The following TSNARE1 variants were observed in gnomAD, a reference collection of about 807,000 sequenced individuals.
The protein encoded by TSNARE1 is t-SNARE domain-containing protein 1.
Under a neutral mutation model 62.0 loss-of-function variants are expected in TSNARE1, and 49 were observed. The ratio of observed to expected loss-of-function variants is 0.79; its 90% confidence interval spans 0.63 to 1.00. The LOEUF (loss-of-function observed/expected upper bound fraction) is 1.00, where lower values mean the gene tolerates loss of function less well. Among genes scored for constraint, TSNARE1 ranks in the 50% least tolerant of loss-of-function variants. The probability of loss-of-function intolerance (pLI) is 0.00; values close to 1 mark genes in which losing one functional copy is unlikely to be tolerated. For missense variants in TSNARE1, 755 were observed against 700.1 expected, an observed-to-expected ratio of 1.08 and a Z score of -0.88; for synonymous variants, 328 against 294.4, an observed-to-expected ratio of 1.11 and a Z score of -1.17.
At chr8:142,401,449 G>A (rs923441867) in intron 1 of TSNARE1, among the ~76,000 whole-genome samples, 2 of 152,192 alleles carry the variant, frequency 1.3e-5, no homozygotes, top group Admixed American at 6.5e-5. Flanking sequence ...ATAAAGCAGG[G>A]ACTGAAGATG....
intron 12 of TSNARE1, among the ~76,000 whole-genome samples, chr8:142,268,667 A>G (rs1819269531): frequency 6.6e-6 from 1 of 152,170 alleles, no homozygotes; most frequent in African/African-American, 2.4e-5. Context: ...TGGGCATCTG[A>G]CTAACTCCCA....
At position 142,383,212 on chromosome 8, in the gene TSNARE1, G is replaced by A. The variant is rs117512992; in HGVS notation, c.-40+19892C>T. On this transcript the variant is annotated intron_variant, in intron 1 of 13. Coordinates refer to ENST00000524325, the MANE Select transcript of TSNARE1 (RefSeq NM_145003.5). ...GGGGAGACAGGAGAACCAGGGGTCA[G>A]TGTGCGTGGAGAACAACCCAGGGTC... Among the ~76,000 whole-genome samples the A allele has an allele frequency of 8.3e-3, 1,263 of 152,368 alleles. 5 individuals are homozygous for A. The highest frequency in any genetic ancestry group is 0.012 in the Non-Finnish European group (810 of 68,034).
At chr8:142,369,436 A>T (rs776399188) in intron 1 of TSNARE1, among the ~76,000 whole-genome samples, 14 of 152,208 alleles carry the variant, frequency 9.2e-5, no homozygotes, top group East Asian at 1.9e-4. Context: ...AAATCAATCA[A>T]ATCAATCAAA....
intron 5 of TSNARE1, 127 bp downstream of exon 5, chr8:142,331,627 G>A (rs116424300): frequency 0.018 from 16,838 of 910,622 alleles, 187 homozygotes; most frequent in Middle Eastern, 0.073. Context: ...GTGGACCCAC[G>A]AAACCCGGGA....
chr8:142,300,664 C>A lies in TSNARE1; in HGVS notation c.1132-20G>T. 1.2e-6 allele frequency: 2 copies of A among 1,600,896 alleles called. No homozygotes were observed. Among genetic ancestry groups the A allele is most frequent in the Non-Finnish European group, 1.7e-6 (2 of 1,171,046 alleles). ...GGGACTCTGCTGATGACAGACAGAT[C>A]TTGTTAGCACTGACCCCTCCCATTA... On this transcript the variant is annotated intron_variant, in intron 9 of 13. Transcript: ENST00000524325.
At position 142,270,230 on chromosome 8, in the gene TSNARE1, CAA is replaced by C. The variant is rs531880532; in HGVS notation, c.1446+4549_1446+4550del. The stretch of plus-strand genomic sequence containing the variant: ...GTGGCAGCCCCGCCAAGGGATCTCC[CAA>C]GAGTCAAAGGAGGTAATGGAGGAAG... On this transcript the variant is annotated intron_variant, in intron 12 of 13. Transcript: ENST00000524325. 1.0e-3 allele frequency: 1,000 copies of C among 985,298 alleles called. 7 individuals carry two copies. In the African/African-American group the frequency reaches 0.016, roughly 16 times the overall value. 61.0% of individuals were successfully genotyped at this position (985,298 alleles called of 1,614,324 possible).
chr8:142,273,058 TCCTCTGCAGTGTGTCGGGGGGG>T, intron 12 of TSNARE1: 1 of 985,346 alleles, frequency 1.0e-6, no homozygotes, highest in Non-Finnish European at 1.2e-6. Context: ...CTTGCCCACC[TCCTCTGCAGTGTGTCGGGGGGG>T]CGGTGCCTGC....
chr8:142,401,033 G>A (rs780917854), intron 1 of TSNARE1, among the ~76,000 whole-genome samples: 5 of 152,244 alleles, frequency 3.3e-5, no homozygotes, highest in Non-Finnish European at 7.3e-5. Flanking sequence ...ACGCCGTGTC[G>A]CGAATGGCTT....
intron 10 of TSNARE1, among the ~76,000 whole-genome samples, chr8:142,287,619 C>T (rs1201129397): frequency 1.5e-5 from 2 of 135,352 alleles, no homozygotes; most frequent in Admixed American, 7.1e-5. Flanking sequence ...TCGTGGAACC[C>T]AGGACCCCGG....
intron 12 of TSNARE1, among the ~76,000 whole-genome samples, chr8:142,264,930 CCT>C: frequency 6.6e-6 from 1 of 152,218 alleles, no homozygotes; most frequent in South Asian, 2.1e-4. Flanking sequence ...GTGTTCTCGC[CCT>C]GTCCTGCATT....
At chr8:142,403,559 C>G (rs1838466478), upstream of TSNARE1, 1 of 152,236 alleles carries the variant, frequency 6.6e-6, no homozygotes, top group Non-Finnish European at 1.5e-5. Flanking sequence ...GGCGGCGGGT[C>G]TCGGCCAGGG....
At chr8:142,377,730 A>G (rs1323965023) in intron 1 of TSNARE1, among the ~76,000 whole-genome samples, 1 of 152,222 alleles carries the variant, frequency 6.6e-6, no homozygotes, top group African/African-American at 2.4e-5. Flanking sequence ...GATCATGCAG[A>G]GGGACCCCTC....
At chr8:142,301,748 G>A (rs1008679069) in intron 9 of TSNARE1, among the ~76,000 whole-genome samples, 1 of 151,676 alleles carries the variant, frequency 6.6e-6, no homozygotes, top group East Asian at 2.0e-4. Context: ...GGCCAGGACC[G>A]GCCTCACCAG....
chr8:142,261,847 G>A (rs1207591983), intron 12 of TSNARE1, among the ~76,000 whole-genome samples: 2 of 152,192 alleles, frequency 1.3e-5, no homozygotes, highest in South Asian at 2.1e-4. Context: ...TGCCCTGGGG[G>A]CACAGGTCAC....
chr8:142,213,710 C>T (rs1815686783), intron 13 of TSNARE1, among the ~76,000 whole-genome samples: 1 of 152,168 alleles, frequency 6.6e-6, no homozygotes, highest in South Asian at 2.1e-4. Context: ...ATCCAATTAC[C>T]ACAGGAAGCA....
chr8:142,220,840 G>A (rs1306363688), intron 13 of TSNARE1, among the ~76,000 whole-genome samples: 2 of 152,164 alleles, frequency 1.3e-5, no homozygotes, highest in African/African-American at 2.4e-5. Flanking sequence ...GCAACCTCGG[G>A]CTGAATACTG....
At chr8:142,396,579 G>C (rs1837911205) in intron 1 of TSNARE1, among the ~76,000 whole-genome samples, 1 of 152,226 alleles carries the variant, frequency 6.6e-6, no homozygotes, top group Non-Finnish European at 1.5e-5. Flanking sequence ...GGGAATTTTT[G>C]TTTGTAAAGC....
intron 5 of TSNARE1, 82 bp downstream of exon 5, chr8:142,331,672 C>G: frequency 7.2e-7 from 1 of 1,386,198 alleles, no homozygotes. Flanking sequence ...GGGAAGCCAT[C>G]CAGCACCCTC....
intron 10 of TSNARE1, among the ~76,000 whole-genome samples, chr8:142,285,495 AGGTG>A (rs926405336): frequency 5.9e-5 from 3 of 50,778 alleles, no homozygotes; most frequent in East Asian, 5.5e-4. Flanking sequence ...ATGGGTGGAT[AGGTG>A]GGTGGGTGGG....
Sources: gnomAD v4.1 joint callset for allele counts (sites outside exome capture counted in the v4.1 genomes callset) on GRCh38, gnomAD v4.1.1 for gene constraint, MANE v1.5 for transcripts, NCBI Gene and HGNC (gene_info 2026-07-23, HGNC 2026-07-21) for gene names.